Variants in PDE3B observed in about 807,000 individuals in gnomAD.
PDE3B encodes the protein cGMP-inhibited 3',5'-cyclic phosphodiesterase 3B.
A neutral mutation model predicts 116.8 loss-of-function variants in PDE3B; 66 were observed. That is an observed-to-expected ratio of 0.56 (90% CI 0.46 to 0.69). The LOEUF (loss-of-function observed/expected upper bound fraction) is 0.69. Ranked by LOEUF, PDE3B falls within the 30% of genes least tolerant of loss-of-function variation. The probability of loss-of-function intolerance (pLI) is 0.00; values close to 1 mark genes in which losing one functional copy is unlikely to be tolerated. For synonymous variants in PDE3B, 595 were observed against 533.6 expected (o/e 1.12, Z -1.59); for missense variants, 1,384 against 1,368.1 (o/e 1.01, Z -0.18).
intron 14 of PDE3B, among the ~76,000 whole-genome samples, chr11:14,863,179 G>C (rs770225944): frequency 2.0e-5 from 3 of 152,092 alleles, no homozygotes; most frequent in Admixed American, 2.0e-4. Flanking sequence ...ATGGTTTCCA[G>C]CTTCATCTAT....
chr11:14,762,498 GA>G (rs1386252694), intron 1 of PDE3B, among the ~76,000 whole-genome samples: 1 of 152,186 alleles, frequency 6.6e-6, no homozygotes, highest in Non-Finnish European at 1.5e-5. Context: ...AACTTAGCTG[GA>G]GGGGAGTGGA....
chr11:14,893,746 G>T, the PDE3B span, among the ~76,000 whole-genome samples: 1 of 151,960 alleles, frequency 6.6e-6, no homozygotes, highest in African/African-American at 2.4e-5. Flanking sequence ...ATTATATTGG[G>T]CCCACCTGGA....
rs782177570 is a variant in PDE3B, at chr11:14,867,583, A to G, written c.2964A>G (p.Gln988=). Reference sequence around the variant, plus strand: ...CTTCTCCTCAACTAGCAAAACTCCAAGAATCTTTTATCACCCACATAGTGG... The same window carrying G: ...CTTCTCCTCAACTAGCAAAACTCCAGGAATCTTTTATCACCCACATAGTGG... ...DRSSPQLAKL[Q]ESFITHIVGP... Residue 988 remains glutamine (Q), a synonymous_variant, in exon 15 of 16, where the codon CAA becomes CAG. Transcript: ENST00000282096. 6.8e-6 allele frequency: 11 copies of G among 1,613,982 alleles called. No individual in the cohort carries two copies. In the Admixed American group the frequency reaches 1.7e-4, roughly 24 times the overall value.
At chr11:14,689,782 C>T (rs1417640345) in intron 1 of PDE3B, among the ~76,000 whole-genome samples, 1 of 152,116 alleles carries the variant, frequency 6.6e-6, no homozygotes, top group Admixed American at 6.6e-5. Context: ...AGGTTTGTCA[C>T]TTACATAAAA....
intron 1 of PDE3B, among the ~76,000 whole-genome samples, chr11:14,654,787 TACACAC>T (rs59557281): frequency 0.061 from 8,701 of 141,990 alleles, 314 homozygotes; most frequent in African/African-American, 0.1. Flanking sequence ...AGCAGCTGTC[TACACAC>T]ACACACACAC....
At position 14,782,097 on chromosome 11, in the gene PDE3B, G is replaced by A. The variant is rs371938046; in HGVS notation, c.1030-4340G>A. Reference sequence around the variant, plus strand: ...AATAAAATACCTAGGAATCCAACTTGTGAGGGATGTGAAGGACCTCTTCAA... The same window carrying A: ...AATAAAATACCTAGGAATCCAACTTATGAGGGATGTGAAGGACCTCTTCAA... On this transcript the variant is annotated intron_variant, in intron 2 of 15. Coordinates refer to ENST00000282096, the MANE Select transcript of PDE3B (RefSeq NM_000922.4). Among the ~76,000 whole-genome samples, 685 of 152,260 alleles carry A rather than the reference G, an allele frequency of 4.5e-3. 3 individuals carry two copies. The highest frequency in any genetic ancestry group is 0.015 in the African/African-American group (611 of 41,540).
At chr11:14,841,655 C>T (rs1212372479) in intron 11 of PDE3B, among the ~76,000 whole-genome samples, 1 of 107,822 alleles carries the variant, frequency 9.3e-6, no homozygotes, top group African/African-American at 3.5e-5. Context: ...AATTCTGCGG[C>T]TGTACAGGAG....
At chr11:14,813,800 G>A (rs1210821422) in intron 5 of PDE3B, among the ~76,000 whole-genome samples, 1 of 152,080 alleles carries the variant, frequency 6.6e-6, no homozygotes, top group Non-Finnish European at 1.5e-5. Context: ...ATTGAAACCT[G>A]ACAAGGATAT....
Position 14,867,636 on chromosome 11 carries a change from C to T in PDE3B, c.3017C>T (p.Ala1006Val). The T allele has an allele frequency of 1.9e-6, 3 of 1,614,058 alleles. No homozygotes were observed. The highest frequency in any genetic ancestry group is 2.5e-6 in the Non-Finnish European group (3 of 1,180,002). The change falls in exon 15 of 16, where the codon GCT becomes GTT. Residue 1006 changes from alanine (A) to valine (V), a missense_variant. Transcript: ENST00000282096. Reference protein sequence around the residue: ...VGPLCNSYDAAGLLPGQWLEA... With the variant: ...VGPLCNSYDAVGLLPGQWLEA... ...CCCCTGTGTAACTCCTATGATGCTG[C>T]TGGTTTGCTACCAGGTCAGTGGTTA...
At chr11:14,747,492 A>G (rs1369711527) in intron 1 of PDE3B, among the ~76,000 whole-genome samples, 5 of 152,244 alleles carry the variant, frequency 3.3e-5, no homozygotes, top group South Asian at 4.1e-4. Context: ...TCTTTCTCCC[A>G]TAGAGAAGAC....
chr11:14,691,354 T>G (rs1855036626), intron 1 of PDE3B, among the ~76,000 whole-genome samples: 1 of 152,192 alleles, frequency 6.6e-6, no homozygotes. Flanking sequence ...ATTATCTAAT[T>G]AGTTGAATAT....
chr11:14,755,810 C>T (rs1857166451), intron 1 of PDE3B, among the ~76,000 whole-genome samples: 1 of 152,124 alleles, frequency 6.6e-6, no homozygotes, highest in Non-Finnish European at 1.5e-5. Flanking sequence ...GTCTCTTGGG[C>T]ATTAAAGTCT....
intron 7 of PDE3B, among the ~76,000 whole-genome samples, 197 bp from the exon 8 acceptor site, chr11:14,830,501 G>A (rs1050221910): frequency 6.6e-6 from 1 of 152,032 alleles, no homozygotes. Flanking sequence ...TACAGGAAGT[G>A]TCTTTGTTGC....
chr11:14,680,343 A>G (rs911678632), intron 1 of PDE3B, among the ~76,000 whole-genome samples: 2 of 152,198 alleles, frequency 1.3e-5, no homozygotes, highest in Non-Finnish European at 2.9e-5. Context: ...TGTTCCAAGC[A>G]GGGTCAGGCC....
the PDE3B span, among the ~76,000 whole-genome samples, chr11:14,898,460 T>C: frequency 6.6e-6 from 1 of 152,176 alleles, no homozygotes; most frequent in East Asian, 1.9e-4. Flanking sequence ...CTCTTAGCTA[T>C]ACTTCTGGAA....
the PDE3B span, among the ~76,000 whole-genome samples, chr11:14,885,331 C>G: frequency 6.6e-6 from 1 of 152,098 alleles, no homozygotes; most frequent in Non-Finnish European, 1.5e-5. Flanking sequence ...GTCCTTTACA[C>G]AAACCATGCA....
chr11:14,664,954 GAC>G (rs1854080274), intron 1 of PDE3B, among the ~76,000 whole-genome samples: 1 of 152,118 alleles, frequency 6.6e-6, no homozygotes, highest in African/African-American at 2.4e-5. Context: ...GCCGGGCAGA[GAC>G]ACAACAAAAA....
At position 14,827,426 on chromosome 11, in the gene PDE3B, C is replaced by A. The variant is rs139413668; in HGVS notation, c.1808-3272C>A. On this transcript the variant is annotated intron_variant, in intron 7 of 15. Transcript: ENST00000282096. ...CTATATCTAGAAAACCCCGAAGTCT[C>A]GGCCCGAAAGCTCCTTAAGCTAATA... Among the ~76,000 whole-genome samples, 11 of 152,236 alleles carry A rather than the reference C, an allele frequency of 7.2e-5. 1 individual carries two copies. The East Asian group carries it at 7.7e-4, about 11-fold the overall frequency.
At chr11:14,809,243 C>G (rs1461232661) in intron 5 of PDE3B, among the ~76,000 whole-genome samples, 4 of 152,076 alleles carry the variant, frequency 2.6e-5, no homozygotes, top group African/African-American at 9.7e-5. Context: ...GATATATATC[C>G]AAGAGAAGTG....
Sources: allele counts gnomAD v4.1 joint callset (sites outside exome capture counted in the v4.1 genomes callset), GRCh38; gene constraint gnomAD v4.1.1; transcripts MANE v1.5; gene names NCBI Gene and HGNC (gene_info 2026-07-23, HGNC 2026-07-21).